The following FYB2 variants were observed in gnomAD, a reference collection of about 807,000 sequenced individuals.
FYB2 encodes the protein FYN binding protein 2.
FYB2 carries 103 observed loss-of-function variants against 94.1 expected under a neutral mutation model. That is an observed-to-expected ratio of 1.09 (90% confidence interval 0.93 to 1.29). The LOEUF (loss-of-function observed/expected upper bound fraction) is 1.29, where lower values mean the gene tolerates loss of function less well. Ranked by LOEUF, FYB2 falls within the 50% of genes most tolerant of loss-of-function variation. The pLI is 0.00. For synonymous variants in FYB2, 293 were observed against 287.9 expected (o/e 1.02, Z -0.18); for missense variants, 896 against 841.5 (o/e 1.06, Z -0.80).
chr1:56,802,243 C>A (rs12723139), intron 1 of FYB2, among the ~76,000 whole-genome samples: 1 of 152,140 alleles, frequency 6.6e-6, no homozygotes, highest in East Asian at 1.9e-4. Flanking sequence ...ACTGGTCTGC[C>A]TCTCCCACTA....
At chr1:56,815,745 A>C (rs1248095442) in intron 1 of FYB2, among the ~76,000 whole-genome samples, 1 of 152,172 alleles carries the variant, frequency 6.6e-6, no homozygotes, top group Non-Finnish European at 1.5e-5. Flanking sequence ...AATCACTTAT[A>C]AGAGGCAAAA....
At chr1:56,815,690 A>G (rs888439556) in intron 1 of FYB2, among the ~76,000 whole-genome samples, 3 of 152,156 alleles carry the variant, frequency 2.0e-5, no homozygotes, top group African/African-American at 7.2e-5. Flanking sequence ...TTGGTATTTG[A>G]GAACTCTCCC....
intron 1 of FYB2, among the ~76,000 whole-genome samples, chr1:56,799,423 C>T (rs1220111308): frequency 1.3e-5 from 2 of 151,826 alleles, no homozygotes; most frequent in Non-Finnish European, 2.9e-5. Flanking sequence ...AACAAAAATC[C>T]CAGGAAGCCA....
intron 1 of FYB2, among the ~76,000 whole-genome samples, chr1:56,803,015 C>T (rs1646556698): frequency 6.6e-6 from 1 of 152,172 alleles, no homozygotes; most frequent in African/African-American, 2.4e-5. Context: ...TTCATGTCTT[C>T]CTCTTTCTTT....
At chr1:56,736,948 T>A (rs1172318315) in intron 15 of FYB2, 139 bp downstream of exon 15, 1 of 685,574 alleles carries the variant, frequency 1.5e-6, no homozygotes. Flanking sequence ...TTTTCCCCTC[T>A]TAGTGAGAAG....
At position 56,720,106 on chromosome 1, in the gene FYB2, T is replaced by C. The variant is rs572869300; in HGVS notation, c.2132-51A>G. ...ATTTGAAAGTTATAGAGAAAATGTTTTTTTAAAGCATTTTAAGATTTTTTA... is the reference window on the plus strand; with the variant it reads ...ATTTGAAAGTTATAGAGAAAATGTTCTTTTAAAGCATTTTAAGATTTTTTA... On this transcript the variant is annotated intron_variant, in intron 18 of 19. Transcript: ENST00000343433. The C allele has an allele frequency of 2.5e-5, 40 of 1,590,986 alleles. No individual in the cohort carries two copies. In the African/African-American group the frequency reaches 4.9e-4, roughly 19 times the overall value.
intron 4 of FYB2, among the ~76,000 whole-genome samples, chr1:56,782,215 T>C (rs1646025133): frequency 6.6e-6 from 1 of 152,206 alleles, no homozygotes; most frequent in South Asian, 2.1e-4. Context: ...TTATTTCTTC[T>C]ATTTAACTGT....
Position 56,719,567 on chromosome 1 carries a change from C to T in FYB2, c.*104G>A. On this transcript the variant is annotated 3_prime_UTR_variant, in exon 20 of 20. Coordinates refer to ENST00000343433, the MANE Select transcript of FYB2 (RefSeq NM_001004303.5). ...GAACGAAAGTTTCCACAGATTCCACCATCTCAAAATTTTGACATGTAAACT... is the reference window on the plus strand; with the variant it reads ...GAACGAAAGTTTCCACAGATTCCACTATCTCAAAATTTTGACATGTAAACT... 13 of 961,140 alleles carry T rather than the reference C, an allele frequency of 1.4e-5. No individual in the cohort carries two copies. Among genetic ancestry groups the T allele is most frequent in the South Asian group, 5.8e-5 (3 of 51,592 alleles). The allele number at this position is 961,140 out of a possible 1,614,324, so 59.5% of individuals were successfully genotyped here.
At chr1:56,726,434 C>G (rs1483694855) in intron 16 of FYB2, 63 bp downstream of exon 16, 3 of 1,448,754 alleles carry the variant, frequency 2.1e-6, no homozygotes, top group Non-Finnish European at 1.9e-6. Flanking sequence ...TGAGGCCACA[C>G]AGCTAGTAAG....
intron 4 of FYB2, among the ~76,000 whole-genome samples, chr1:56,779,452 G>A (rs550550421): frequency 7.5e-4 from 114 of 152,056 alleles, no homozygotes; most frequent in Non-Finnish European, 1.4e-3. Context: ...GTGAGTCCCC[G>A]CTCTCACATG....
chr1:56,722,175 A>G (rs1269783375), intron 17 of FYB2, among the ~76,000 whole-genome samples: 2 of 152,126 alleles, frequency 1.3e-5, no homozygotes, highest in Non-Finnish European at 2.9e-5. Flanking sequence ...TGCAGTAGAT[A>G]ATAACATATC....
rs1168969322 is a variant in FYB2, at chr1:56,788,979, C to G, written c.913G>C (p.Gly305Arg). 5 of 1,614,034 alleles carry G rather than the reference C, an allele frequency of 3.1e-6. No individual in the cohort carries two copies. The highest frequency in any genetic ancestry group is 4.2e-6 in the Non-Finnish European group (5 of 1,179,960). ...RQPAAVPKTQ[G>R]EVTVEEGSLS... ...GCCCTGTGCATTTCCTTACCTTCCC[C>G]CTGAGTCTTGGGAACAGCAGCTGGC... Residue 305 changes from glycine (G) to arginine (R), a missense_variant, in exon 3 of 20, where the codon GGG becomes CGG. Gly to Arg is a moderately radical substitution (Grantham distance 125). Coordinates refer to ENST00000343433, the MANE Select transcript of FYB2 (RefSeq NM_001004303.5).
At chr1:56,735,906 C>T (rs146233240) in intron 15 of FYB2, among the ~76,000 whole-genome samples, 1,679 of 152,044 alleles carry the variant, frequency 0.011, 35 homozygotes, top group African/African-American at 0.039. Context: ...CATAGGATGA[C>T]TATAGTTAAC....
At chr1:56,733,593 C>T (rs1644762347) in intron 15 of FYB2, among the ~76,000 whole-genome samples, 1 of 152,130 alleles carries the variant, frequency 6.6e-6, no homozygotes, top group Non-Finnish European at 1.5e-5. Flanking sequence ...TCCCTCTACA[C>T]ACTGCTTTAA....
chr1:56,723,885 CAT>C (rs1426296729), intron 16 of FYB2, among the ~76,000 whole-genome samples: 1 of 151,890 alleles, frequency 6.6e-6, no homozygotes, highest in Non-Finnish European at 1.5e-5. Flanking sequence ...CAAATACACA[CAT>C]ATATTTCCAT....
chr1:56,757,074 T>A (rs562408630), intron 6 of FYB2, among the ~76,000 whole-genome samples: 4 of 151,962 alleles, frequency 2.6e-5, no homozygotes, highest in African/African-American at 9.7e-5. Flanking sequence ...AGCTTAAAAA[T>A]ACAGAGATAA....
intron 4 of FYB2, among the ~76,000 whole-genome samples, chr1:56,783,397 T>C (rs1013515447): frequency 6.6e-6 from 1 of 152,140 alleles, no homozygotes; most frequent in East Asian, 1.9e-4. Flanking sequence ...GGTCCAGAAA[T>C]GAAAGATGGC....
intron 1 of FYB2, among the ~76,000 whole-genome samples, chr1:56,817,507 G>C (rs1241847141): frequency 6.6e-6 from 1 of 152,058 alleles, no homozygotes; most frequent in Admixed American, 6.6e-5. Context: ...CCCATATATA[G>C]ATTTTTTTGT....
At chr1:56,759,934 A>C (rs1174255685) in intron 5 of FYB2, among the ~76,000 whole-genome samples, 1 of 152,064 alleles carries the variant, frequency 6.6e-6, no homozygotes, top group East Asian at 1.9e-4. Flanking sequence ...TACAAAAATT[A>C]GTCAGGCACA....
Sources: gnomAD v4.1 joint callset for allele counts (sites outside exome capture counted in the v4.1 genomes callset) on GRCh38, gnomAD v4.1.1 for gene constraint, MANE v1.5 for transcripts, NCBI Gene and HGNC (gene_info 2026-07-23, HGNC 2026-07-21) for gene names.